The following CCDC85C variants were observed in gnomAD, a reference collection of about 807,000 sequenced individuals.
CCDC85C encodes the protein coiled-coil domain containing 85C.
A neutral mutation model predicts 38.3 loss-of-function variants in CCDC85C; 18 were observed. The observed-to-expected ratio is 0.47, with a 90% CI of 0.33 to 0.70. The LOEUF is 0.70. CCDC85C is among the 30% of genes least tolerant of loss of function. CCDC85C has a pLI of 0.03. For missense variants in CCDC85C, 566 were observed against 621.2 expected (o/e 0.91, Z 0.94); for synonymous variants, 264 against 293.8 (o/e 0.90, Z 1.04).
rs1038921074 is a variant in CCDC85C, at chr14:99,516,045, T to TC, written c.1170+142dup. The TC allele has an allele frequency of 5.8e-6, 4 of 691,206 alleles. No individual in the cohort carries two copies. Among genetic ancestry groups the TC allele is most frequent in the Admixed American group, 2.2e-5 (1 of 46,216 alleles). The allele number at this position is 691,206 out of a possible 1,614,324, so 42.8% of individuals were successfully genotyped here. A position where few individuals can be genotyped will look rare whatever the true frequency, so the allele number is the denominator to read the frequency against. ...CAGGGCTCCTAGCACCTCTGAGGCC[T>TC]CCCCCCAGCTATCCAAGGTCACCCA... On this transcript the variant is annotated intron_variant, in intron 5 of 5. Transcript: ENST00000380243. This position sits in a 1 kb window ranked among gnomAD's most constrained non-coding sequence, Gnocchi z 5.5.
chr14:99,583,502 CAAAAAAAAAA>C (rs35333670), intron 1 of CCDC85C, among the ~76,000 whole-genome samples: 2 of 85,396 alleles, frequency 2.3e-5, no homozygotes, highest in African/African-American at 4.8e-5. Context: ...AACTCCTTCT[CAAAAAAAAAA>C]AAAAAAAAAA....
Position 99,520,565 on chromosome 14 carries a change from G to A in CCDC85C, c.975+1568C>T, listed in dbSNP as rs12436633. Among the ~76,000 whole-genome samples, 55,145 of 77,998 alleles carry A rather than the reference G, an allele frequency of 0.71. 18,959 individuals carry two copies. Among genetic ancestry groups the A allele is most frequent in the Non-Finnish European group, 0.77 (31,283 of 40,808 alleles). 51.2% of individuals were successfully genotyped at this position (77,998 alleles called of 152,430 possible). A position where few individuals can be genotyped will look rare whatever the true frequency, so the allele number is the denominator to read the frequency against. On this transcript the variant is annotated intron_variant, in intron 3 of 5. Coordinates refer to ENST00000380243, the MANE Select transcript of CCDC85C (RefSeq NM_001144995.2). This position sits in a 1 kb window ranked among gnomAD's most constrained non-coding sequence, Gnocchi z 4.1. ...CTGCCCGCCGACCAGCCCCGATCAC[G>A]GCCCCTGCACCTCAGTTCATCCCAC...
intron 1 of CCDC85C, among the ~76,000 whole-genome samples, chr14:99,602,604 A>C (rs1429096305): frequency 6.6e-6 from 1 of 152,160 alleles, no homozygotes; most frequent in African/African-American, 2.4e-5. Flanking sequence ...AATTTATGGC[A>C]AACAAGAAAG....
chr14:99,536,200 C>T (rs1897595690), intron 1 of CCDC85C, 112 bp from the exon 2 acceptor site: 2 of 754,676 alleles, frequency 2.7e-6, no homozygotes, highest in African/African-American at 1.7e-5. Context: ...TGAGGAGTCC[C>T]ACCCCACAGC....
intron 1 of CCDC85C, among the ~76,000 whole-genome samples, chr14:99,561,569 G>A (rs988142284): frequency 3.9e-5 from 6 of 152,310 alleles, no homozygotes; most frequent in East Asian, 1.9e-4. Flanking sequence ...CACCAGGGGC[G>A]GGCGCCATGC....
rs1898059432 is a variant in CCDC85C, at chr14:99,558,823, C to T, written c.794-22735G>A. ...GATGTGGTTTGAATCTGGGTCCTCA[C>T]CCAATCTCATGTTGAATGTATCCCC... On this transcript the variant is annotated intron_variant, in intron 1 of 5. Transcript: ENST00000380243. The surrounding 1 kb of genome is among the most constrained non-coding windows in gnomAD (Gnocchi z 4.2). Among the ~76,000 whole-genome samples the T allele has an allele frequency of 2.0e-5, 3 of 152,230 alleles. No homozygotes were observed. Among genetic ancestry groups the T allele is most frequent in the Admixed American group, 1.3e-4 (2 of 15,290 alleles).
chr14:99,581,234 T>C (rs2054965155), intron 1 of CCDC85C, among the ~76,000 whole-genome samples: 1 of 152,114 alleles, frequency 6.6e-6, no homozygotes, highest in Non-Finnish European at 1.5e-5. Flanking sequence ...ACCACTGGGC[T>C]CTCCAGGGCA....
At chr14:99,575,420 C>T (rs1898453418) in intron 1 of CCDC85C, among the ~76,000 whole-genome samples, 1 of 152,208 alleles carries the variant, frequency 6.6e-6, no homozygotes, top group Non-Finnish European at 1.5e-5. Flanking sequence ...GACCCTCACC[C>T]CCTTCTGTTG....
At position 99,514,399 on chromosome 14, in the gene CCDC85C, G is replaced by C. The variant is rs1446945429; in HGVS notation, c.*847C>G. 2.6e-5 allele frequency: 4 copies of C among 152,618 alleles called. No homozygotes were observed. The East Asian group carries it at 7.7e-4, about 29-fold the overall frequency. 9.5% of individuals were successfully genotyped at this position (152,618 alleles called of 1,614,324 possible). A position where few individuals can be genotyped will look rare whatever the true frequency, so the allele number is the denominator to read the frequency against. On this transcript the variant is annotated 3_prime_UTR_variant, in exon 6 of 6. Coordinates refer to ENST00000380243, the MANE Select transcript of CCDC85C (RefSeq NM_001144995.2). ...CAACCAGAGCCCCAGCTGTGGCCCAGTGCTGCCCATCAGGAAAATCACATG... is the reference window on the plus strand; with the variant it reads ...CAACCAGAGCCCCAGCTGTGGCCCACTGCTGCCCATCAGGAAAATCACATG...
chr14:99,578,308 AGTGTGTGT>A (rs144925029), intron 1 of CCDC85C, among the ~76,000 whole-genome samples: 2 of 104,656 alleles, frequency 1.9e-5, no homozygotes, highest in African/African-American at 4.0e-5. Context: ...ATCCCCCATC[AGTGTGTGT>A]GTGTGTGTGT....
At chr14:99,571,176 C>T (rs1035079416) in intron 1 of CCDC85C, among the ~76,000 whole-genome samples, 5 of 152,134 alleles carry the variant, frequency 3.3e-5, no homozygotes, top group Admixed American at 6.5e-5. Flanking sequence ...AGGGGCCAGC[C>T]GGAGACAGGG....
In CCDC85C at chr14:99,604,047, G is replaced by A. The variant is rs2055245282; in HGVS notation, c.-88C>T. 1.0e-6 allele frequency: 1 copy of A among 979,596 alleles called. No homozygotes were observed. The highest frequency in any genetic ancestry group is 1.8e-5 in the African/African-American group (1 of 56,600). 60.7% of individuals were successfully genotyped at this position (979,596 alleles called of 1,614,324 possible). ...GCTCCGCTGGGCCGGTCCGCGCGCGGGCGGGGGGCGGCCGGGGGCGCGTGC... is the reference window on the plus strand; with the variant it reads ...GCTCCGCTGGGCCGGTCCGCGCGCGAGCGGGGGGCGGCCGGGGGCGCGTGC... On this transcript the variant is annotated 5_prime_UTR_variant, in exon 1 of 6. Coordinates refer to ENST00000380243, the MANE Select transcript of CCDC85C (RefSeq NM_001144995.2).
At chr14:99,580,182 T>C (rs2054951190) in intron 1 of CCDC85C, 2 of 452,328 alleles carry the variant, frequency 4.4e-6, no homozygotes, top group South Asian at 1.6e-5. Context: ...AAGGAGAGGC[T>C]GGGTGGCTCA....
chr14:99,516,322 C>G lies in CCDC85C; in HGVS notation c.1072-36G>C. On this transcript the variant is annotated intron_variant, in intron 4 of 5. Coordinates refer to ENST00000380243, the MANE Select transcript of CCDC85C (RefSeq NM_001144995.2). The surrounding 1 kb of genome is among the most constrained non-coding windows in gnomAD (Gnocchi z 5.5). ...CGGGTCTCGGGGTCAGGGGCAGAGG[C>G]CACCGGCAGACCTCGGGCAAGTCAC... The G allele has an allele frequency of 2.7e-6, 4 of 1,481,932 alleles. No individual in the cohort carries two copies. In the Admixed American group the frequency reaches 5.9e-5, roughly 22 times the overall value. 91.8% of individuals were successfully genotyped at this position (1,481,932 alleles called of 1,614,324 possible).
At position 99,503,416 on chromosome 14, in the gene CCDC85C, GAA is replaced by G; in HGVS notation, c.*11828_*11829del. 1.6e-6 allele frequency: 1 copy of G among 606,930 alleles called. No individual in the cohort carries two copies. 37.6% of individuals were successfully genotyped at this position (606,930 alleles called of 1,614,324 possible). On this transcript the variant is annotated 3_prime_UTR_variant, in exon 6 of 6. Transcript: ENST00000380243. ...GTCATTCTGTCTTATTTGGTAAATG[GAA>G]AGAGGAAGGGAGCAGAAATGATGAT...
chr14:99,513,203 T>G lies in CCDC85C; in HGVS notation c.*2043A>C, dbSNP rs1450063110. 6.6e-6 allele frequency: 1 copy of G among 152,152 alleles called. No homozygotes were observed. Among genetic ancestry groups the G allele is most frequent in the Non-Finnish European group, 1.5e-5 (1 of 68,028 alleles). The allele number at this position is 152,152 out of a possible 1,614,324, so 9.4% of individuals were successfully genotyped here. ...CCGTACTTATTGCTTATTTCAGTGG[T>G]GGCCACGCCAACCTGACCCAAACAT... On this transcript the variant is annotated 3_prime_UTR_variant, in exon 6 of 6. Coordinates refer to ENST00000380243, the MANE Select transcript of CCDC85C (RefSeq NM_001144995.2).
At chr14:99,582,090 C>T (rs1233324942) in intron 1 of CCDC85C, among the ~76,000 whole-genome samples, 1 of 152,190 alleles carries the variant, frequency 6.6e-6, no homozygotes, top group Non-Finnish European at 1.5e-5. Flanking sequence ...CAGGATCAGC[C>T]ATCTCAGGTG....
At position 99,500,742 on chromosome 14, in the gene CCDC85C, C is replaced by G; in HGVS notation, c.*14504G>C. 7.0e-7 allele frequency: 1 copy of G among 1,426,394 alleles called. No individual in the cohort carries two copies. The highest frequency in any genetic ancestry group is 9.7e-7 in the Non-Finnish European group (1 of 1,031,550). The allele number at this position is 1,426,394 out of a possible 1,614,324, so 88.4% of individuals were successfully genotyped here. On this transcript the variant is annotated 3_prime_UTR_variant, in exon 6 of 6. Coordinates refer to ENST00000380243, the MANE Select transcript of CCDC85C (RefSeq NM_001144995.2). ...GAGACCTGCAATTGTAATTACTGTC[C>G]TAACATTTGTGATTGATTTTTAGGA...
chr14:99,600,427 C>T (rs2055187063), intron 1 of CCDC85C, among the ~76,000 whole-genome samples: 1 of 152,198 alleles, frequency 6.6e-6, no homozygotes, highest in South Asian at 2.1e-4. Flanking sequence ...GCTCAATGGT[C>T]ACTGATAAGG....
Sources: gnomAD v4.1 joint callset for allele counts (sites outside exome capture counted in the v4.1 genomes callset) on GRCh38, gnomAD v4.1.1 for gene constraint, Gnocchi (gnomAD v3.1) non-coding constraint, MANE v1.5 for transcripts, NCBI Gene and HGNC (gene_info 2026-07-23, HGNC 2026-07-21) for gene names.